The following SLC25A48 variants were observed in gnomAD, a reference collection of about 807,000 sequenced individuals.
SLC25A48 encodes solute carrier family 25 member 48.
A neutral mutation model predicts 32.2 loss-of-function variants in SLC25A48; 29 were observed. The observed-to-expected ratio is 0.90, with a 90% confidence interval of 0.67 to 1.23. The LOEUF (loss-of-function observed/expected upper bound fraction) is 1.23. SLC25A48 is among the 50% of genes most tolerant of loss of function. The probability of loss-of-function intolerance (pLI) is 0.00; values close to 1 mark genes in which losing one functional copy is unlikely to be tolerated. For missense variants in SLC25A48, 399 were observed against 422.7 expected, an observed-to-expected ratio of 0.94 and a Z score of 0.49; for synonymous variants, 164 against 172.3, an observed-to-expected ratio of 0.95 and a Z score of 0.38.
intron 1 of SLC25A48, among the ~76,000 whole-genome samples, chr5:135,590,195 C>G (rs1289178027): frequency 6.6e-6 from 1 of 152,190 alleles, no homozygotes; most frequent in South Asian, 2.1e-4. Context: ...ATAGGGCTTT[C>G]CTGGTGCATA....
intron 1 of SLC25A48, among the ~76,000 whole-genome samples, chr5:135,841,883 G>A (rs893922782): frequency 1.3e-5 from 2 of 152,278 alleles, no homozygotes; most frequent in East Asian, 3.9e-4. Flanking sequence ...GGAAGAGGCA[G>A]GTCAGTTCAG....
rs116079208 is a variant in SLC25A48, at chr5:135,590,065, T to C, written c.-849+10468T>C. ...TCCCAGATTTGCTTTTTTGTTTTTT[T>C]TGGAGGCAGAGAAAAGCACCACATT... On this transcript the variant is annotated intron_variant, in intron 1 of 10. Coordinates refer to the SLC25A48 transcript ENST00000646290. Among the ~76,000 whole-genome samples, 934 of 152,338 alleles carry C rather than the reference T, an allele frequency of 6.1e-3. 10 individuals are homozygous for C. Among genetic ancestry groups the C allele is most frequent in the African/African-American group, 0.021 (890 of 41,570 alleles).
chr5:135,605,958 C>G (rs1751923975), intron 1 of SLC25A48, among the ~76,000 whole-genome samples: 1 of 152,162 alleles, frequency 6.6e-6, no homozygotes, highest in Non-Finnish European at 1.5e-5. Flanking sequence ...TCAAGCAATG[C>G]ATATTTGAAC....
At chr5:135,713,889 C>T (rs554391164) in intron 3 of SLC25A48, among the ~76,000 whole-genome samples, 56 of 152,308 alleles carry the variant, frequency 3.7e-4, no homozygotes, top group Middle Eastern at 3.4e-3. Context: ...GAGGAGCCTC[C>T]GTTGGGTTGG....
chr5:135,722,567 TG>T (rs1754981981), intron 3 of SLC25A48, among the ~76,000 whole-genome samples: 1 of 152,252 alleles, frequency 6.6e-6, no homozygotes, highest in African/African-American at 2.4e-5. Context: ...CTGTGATGTG[TG>T]GCCTTGAATC....
chr5:135,582,144 G>T (rs907716223), intron 1 of SLC25A48, among the ~76,000 whole-genome samples: 5 of 152,210 alleles, frequency 3.3e-5, no homozygotes, highest in Admixed American at 6.5e-5. Context: ...GAGGAGGGAG[G>T]AAGTGGAAAC....
chr5:135,645,518 C>T (rs907804559), intron 3 of SLC25A48, among the ~76,000 whole-genome samples: 2 of 152,166 alleles, frequency 1.3e-5, no homozygotes, highest in Non-Finnish European at 2.9e-5. Context: ...GTGTTGAGTT[C>T]GAATTCACTC....
intron 4 of SLC25A48, among the ~76,000 whole-genome samples, chr5:135,820,007 C>A (rs1757839224): frequency 6.6e-6 from 1 of 152,064 alleles, no homozygotes; most frequent in Non-Finnish European, 1.5e-5. Context: ...AAAATGGAAA[C>A]AGTTTGGCAG....
intron 3 of SLC25A48, among the ~76,000 whole-genome samples, chr5:135,660,373 GT>G (rs1753369193): frequency 6.6e-6 from 1 of 152,032 alleles, no homozygotes. Flanking sequence ...CACTACTATG[GT>G]CTCCATTTCT....
At chr5:135,760,536 T>C (rs1018393433) in intron 3 of SLC25A48, among the ~76,000 whole-genome samples, 1 of 152,222 alleles carries the variant, frequency 6.6e-6, no homozygotes, top group Non-Finnish European at 1.5e-5. Context: ...CGTTGGTGAT[T>C]TTCAGAGTGG....
intron 3 of SLC25A48, among the ~76,000 whole-genome samples, chr5:135,699,816 A>G (rs537775811): frequency 2.0e-4 from 30 of 152,282 alleles, no homozygotes; most frequent in African/African-American, 3.6e-4. Flanking sequence ...TTAGTCATGC[A>G]GCATGCATTA....
At chr5:135,776,472 C>A (rs1424208020) in intron 3 of SLC25A48, among the ~76,000 whole-genome samples, 1 of 151,754 alleles carries the variant, frequency 6.6e-6, no homozygotes, top group Non-Finnish European at 1.5e-5. Flanking sequence ...AGGAGGTGTA[C>A]AGCCCTTTGT....
At chr5:135,611,126 A>G (rs1359813988) in intron 1 of SLC25A48, among the ~76,000 whole-genome samples, 1 of 152,252 alleles carries the variant, frequency 6.6e-6, no homozygotes, top group Non-Finnish European at 1.5e-5. Flanking sequence ...TTTAAAGAAG[A>G]CAGAAGCCAA....
At chr5:135,649,324 G>C (rs993530365) in intron 3 of SLC25A48, 1 of 152,150 alleles carries the variant, frequency 6.6e-6, no homozygotes, top group African/African-American at 2.4e-5. Flanking sequence ...CAGTTGGCTA[G>C]GGCACCCCTC....
chr5:135,799,401 C>T (rs1427562188), intron 3 of SLC25A48, among the ~76,000 whole-genome samples: 8 of 151,338 alleles, frequency 5.3e-5, no homozygotes, highest in African/African-American at 7.3e-5. Flanking sequence ...CCCCCCGCCC[C>T]GTGATATTGT....
intron 3 of SLC25A48, among the ~76,000 whole-genome samples, chr5:135,743,295 C>T (rs951824191): frequency 2.8e-4 from 42 of 151,008 alleles, no homozygotes; most frequent in African/African-American, 9.8e-4. Context: ...TAGTCTGGAA[C>T]TCCCGACCTC....
intron 3 of SLC25A48, among the ~76,000 whole-genome samples, chr5:135,804,268 T>C (rs1332312067): frequency 1.3e-5 from 2 of 151,704 alleles, no homozygotes; most frequent in Admixed American, 1.3e-4. Context: ...TTAAGTGTAA[T>C]ATCTCCCTAA....
chr5:135,621,725 G>A (rs1752330212), intron 1 of SLC25A48, among the ~76,000 whole-genome samples: 1 of 152,038 alleles, frequency 6.6e-6, no homozygotes, highest in African/African-American at 2.4e-5. Context: ...CACTATATCG[G>A]TGTTTTTCAA....
At chr5:135,746,085 C>T (rs550126159) in intron 3 of SLC25A48, among the ~76,000 whole-genome samples, 1 of 152,308 alleles carries the variant, frequency 6.6e-6, no homozygotes, top group South Asian at 2.1e-4. Context: ...CGCCCTCACG[C>T]TGCCTACTTT....
Sources: gnomAD v4.1 joint callset for allele counts (sites outside exome capture counted in the v4.1 genomes callset) on GRCh38, gnomAD v4.1.1 for gene constraint, MANE v1.5 for transcripts, NCBI Gene and HGNC (gene_info 2026-07-23, HGNC 2026-07-21) for gene names.